The following CYP3A5 variants were observed in gnomAD, a reference collection of about 807,000 sequenced individuals.
CYP3A5 encodes cytochrome P450 3A5.
Under a neutral mutation model 55.9 loss-of-function variants are expected in CYP3A5, and 51 were observed. The observed-to-expected ratio is 0.91, with a 90% CI of 0.73 to 1.15. CYP3A5 has a LOEUF of 1.15. Among genes scored for constraint, CYP3A5 ranks in the 50% most tolerant of loss-of-function variants. CYP3A5 has a pLI of 0.00. For missense variants in CYP3A5, 533 were observed against 596.6 expected, an observed-to-expected ratio of 0.89 and a Z score of 1.11; for synonymous variants, 196 against 213.9, an observed-to-expected ratio of 0.92 and a Z score of 0.73.
chr7:99,665,817 C>T (rs1259920858), intron 6 of CYP3A5, among the ~76,000 whole-genome samples: 1 of 152,220 alleles, frequency 6.6e-6, no homozygotes, highest in East Asian at 1.9e-4. Flanking sequence ...ATTCTCTACA[C>T]TCCCTGCTAA....
Position 99,666,656 on chromosome 7 carries a change from A to G in CYP3A5, c.466T>C (p.Leu156=), listed in dbSNP as rs1442561681. ...GCTTCCCGCCTCAAGTTTCTCACCA[A>G]TACATCTCCATACTGGGCAATGATG... ...FPIIAQYGDV[L]VRNLRREAEK... The change falls in exon 6 of 13, where the codon TTG becomes CTG. Residue 156 remains leucine, a synonymous_variant. Coordinates refer to ENST00000222982, the MANE Select transcript of CYP3A5 (RefSeq NM_000777.5). The G allele has an allele frequency of 3.1e-6, 5 of 1,613,952 alleles. No homozygotes were observed. Among genetic ancestry groups the G allele is most frequent in the Admixed American group, 1.7e-5 (1 of 60,002 alleles).
chr7:99,654,916 T>C (rs987979127), intron 10 of CYP3A5, among the ~76,000 whole-genome samples: 1 of 152,220 alleles, frequency 6.6e-6, no homozygotes, highest in Non-Finnish European at 1.5e-5. Context: ...CCCCCACTTG[T>C]TGATGGGGTT....
intron 12 of CYP3A5, 44 bp from the exon 13 acceptor site, chr7:99,648,444 G>C: frequency 2.2e-6 from 3 of 1,340,710 alleles, no homozygotes; most frequent in Non-Finnish European, 3.0e-6. Context: ...TAAATGAAGT[G>C]AAAGAAGAAA....
Position 99,662,699 on chromosome 7 carries a change from T to G in CYP3A5, c.865+117A>C. 1 of 937,518 alleles carries G rather than the reference T, an allele frequency of 1.1e-6. No homozygotes were observed. Among genetic ancestry groups the G allele is most frequent in the South Asian group, 1.5e-5 (1 of 67,872 alleles). 58.1% of individuals were successfully genotyped at this position (937,518 alleles called of 1,614,324 possible). On this transcript the variant is annotated intron_variant, in intron 9 of 12. Transcript: ENST00000222982. This position sits in a 1 kb window ranked among gnomAD's most constrained non-coding sequence, Gnocchi z 4.3. Reference sequence around the variant, plus strand: ...CCATTTATAACATCTAAATGTGTGTTGTTCTGCTATGTGGCAAAAATTCTC... The same window carrying G: ...CCATTTATAACATCTAAATGTGTGTGGTTCTGCTATGTGGCAAAAATTCTC...
At position 99,653,356 on chromosome 7, in the gene CYP3A5, C is replaced by T. The variant is rs951633141; in HGVS notation, c.1027-577G>A. 4.6e-5 allele frequency among the ~76,000 whole-genome samples: 7 copies of T among 151,888 alleles called. No individual in the cohort carries two copies. The highest frequency in any genetic ancestry group is 1.5e-4 in the African/African-American group (6 of 41,316). On this transcript the variant is annotated intron_variant, in intron 10 of 12. Transcript: ENST00000222982. The surrounding 1 kb of genome is among the most constrained non-coding windows in gnomAD (Gnocchi z 4.2). The stretch of plus-strand genomic sequence containing the variant: ...GTTCCAGCTACTCAGGAGACAGAGG[C>T]GGGAGGATGGCTTGAGCCTGGGAGG...
chr7:99,671,546 A>G (rs1811632999), intron 4 of CYP3A5: 1 of 355,154 alleles, frequency 2.8e-6, no homozygotes, highest in African/African-American at 2.1e-5. Context: ...TCCACAGAAA[A>G]TGAACCTTGA....
chr7:99,652,604 A>G lies in CYP3A5; in HGVS notation c.1202T>C (p.Leu401Pro), dbSNP rs1252465240. ...GSMVVIPTYA[L>P]HHDPKYWTEP... ...TGTCCAGTACTTTGGGTCATGGTGA[A>G]GAGCATAAGTTGGAATCACCACCAT... is the stretch of plus-strand genomic sequence containing the variant. The change falls in exon 11 of 13, where the codon CTT becomes CCT. Residue 401 changes from leucine (L) to proline (P), a missense_variant. Coordinates refer to ENST00000222982, the MANE Select transcript of CYP3A5 (RefSeq NM_000777.5). The G allele has an allele frequency of 1.2e-6, 2 of 1,614,052 alleles. No individual in the cohort carries two copies. Among genetic ancestry groups the G allele is most frequent in the Non-Finnish European group, 1.7e-6 (2 of 1,179,950 alleles).
At chr7:99,667,252 C>CG in intron 4 of CYP3A5, among the ~76,000 whole-genome samples, 187 bp from the exon 5 acceptor site, 1 of 24,394 alleles carries the variant, frequency 4.1e-5, no homozygotes, top group African/African-American at 1.6e-4. Context: ...GTATGTGGGG[C>CG]GGGGGTGGGA....
At chr7:99,674,663 G>A in intron 2 of CYP3A5, 78 bp from the exon 3 acceptor site, 1 of 1,250,470 alleles carries the variant, frequency 8.0e-7, no homozygotes, top group South Asian at 1.3e-5. Flanking sequence ...GCTGAAAACA[G>A]TTGCGTCCAA....
intron 2 of CYP3A5, 66 bp downstream of exon 2, chr7:99,676,049 T>G (rs1812243818): frequency 7.0e-7 from 1 of 1,433,610 alleles, no homozygotes; most frequent in Non-Finnish European, 9.8e-7. Context: ...AGGGGCATTT[T>G]TACTGATGGA....
intron 10 of CYP3A5, among the ~76,000 whole-genome samples, chr7:99,655,081 C>A (rs951340972): frequency 2.2e-4 from 33 of 152,168 alleles, no homozygotes; most frequent in Middle Eastern, 3.4e-3. Context: ...TCTTTAGTTT[C>A]ATTAGATCCC....
In CYP3A5 at chr7:99,679,850, G is replaced by A; in HGVS notation, c.47C>T (p.Ala16Val). Residue 16 changes from alanine (A) to valine (V), a missense_variant, in exon 1 of 13, where the codon GCT becomes GTT. By Grantham distance (64) the Ala-to-Val change is moderately conservative. Coordinates refer to ENST00000222982, the MANE Select transcript of CYP3A5 (RefSeq NM_000777.5). ...NLAVETWLLL[A>V]VSLVLLYLYG... ...CAGATAGAGGAGCACCAGGCTGACAGCCAGGAGAAGCCAGGTTTCCACCGC... is the reference window on the plus strand; with the variant it reads ...CAGATAGAGGAGCACCAGGCTGACAACCAGGAGAAGCCAGGTTTCCACCGC... 1.2e-6 allele frequency: 2 copies of A among 1,614,166 alleles called. No individual in the cohort carries two copies. The highest frequency in any genetic ancestry group is 4.5e-5 in the East Asian group (2 of 44,884).
intron 4 of CYP3A5, among the ~76,000 whole-genome samples, chr7:99,668,562 G>A (rs1437490453): frequency 1.3e-5 from 2 of 152,190 alleles, no homozygotes; most frequent in Non-Finnish European, 2.9e-5. Context: ...ATGGAAAGGG[G>A]TAATCAGAGT....
At chr7:99,665,021 C>T (rs1810851019) in intron 7 of CYP3A5, 145 bp downstream of exon 7, 1 of 826,824 alleles carries the variant, frequency 1.2e-6, no homozygotes, top group Non-Finnish European at 1.8e-6. Context: ...TTTTAGTTTA[C>T]AATAGTAATG....
At chr7:99,676,392 C>A (rs1393603363) in intron 1 of CYP3A5, 184 bp from the exon 2 acceptor site, 1 of 1,516,626 alleles carries the variant, frequency 6.6e-7, no homozygotes, top group East Asian at 2.6e-5. Context: ...TATTCTGAGA[C>A]CCCTGAAAAG....
At chr7:99,666,848 G>C in intron 5 of CYP3A5, 104 bp downstream of exon 5, 1 of 1,579,686 alleles carries the variant, frequency 6.3e-7, no homozygotes, top group African/African-American at 1.4e-5. Flanking sequence ...TAGGAAGCTC[G>C]AACTCAGTGG....
chr7:99,652,609 A>G lies in CYP3A5; in HGVS notation c.1197T>C (p.Tyr399=), dbSNP rs745568021. ...AGTACTTTGGGTCATGGTGAAGAGC[A>G]TAAGTTGGAATCACCACCATTGACC... ...PKGSMVVIPT[Y]ALHHDPKYWT... The change falls in exon 11 of 13, where the codon TAT becomes TAC. Residue 399 remains tyrosine (Y), a synonymous_variant. Coordinates refer to ENST00000222982, the MANE Select transcript of CYP3A5 (RefSeq NM_000777.5). The G allele has an allele frequency of 3.7e-6, 6 of 1,613,982 alleles. No homozygotes were observed. The highest frequency in any genetic ancestry group is 1.3e-5 in the African/African-American group (1 of 74,920).
chr7:99,677,256 G>A (rs1812379949), intron 1 of CYP3A5: 1 of 985,268 alleles, frequency 1.0e-6, no homozygotes. Context: ...AAGAAGAGAG[G>A]CTGAAGGAAG....
chr7:99,652,197 G>T (rs1302188889), intron 11 of CYP3A5: 1 of 148,914 alleles, frequency 6.7e-6, no homozygotes, highest in Non-Finnish European at 1.5e-5. Flanking sequence ...ACATATATAT[G>T]TATATTTATA....
Sources: gnomAD v4.1 joint callset for allele counts (sites outside exome capture counted in the v4.1 genomes callset) on GRCh38, gnomAD v4.1.1 for gene constraint, Gnocchi (gnomAD v3.1) non-coding constraint, MANE v1.5 for transcripts, NCBI Gene and HGNC (gene_info 2026-07-23, HGNC 2026-07-21) for gene names.